ADAM19: variants seen among roughly 807,000 people sequenced by gnomAD.
The protein encoded by ADAM19 is ADAM metallopeptidase domain 19.
In ADAM19, 65 loss-of-function variants were observed where a neutral mutation model predicts 114.7. The observed-to-expected ratio is 0.57, with a 90% CI of 0.46 to 0.70. The LOEUF (loss-of-function observed/expected upper bound fraction) is 0.70. ADAM19 is among the 30% of genes least tolerant of loss of function. The pLI is 0.00. For synonymous variants in ADAM19, 466 were observed against 460.5 expected (o/e 1.01, Z -0.15); for missense variants, 1,063 against 1,204.7 (o/e 0.88, Z 1.74).
At chr5:157,566,102 CTG>C in intron 2 of ADAM19, 1 of 126,016 alleles carries the variant, frequency 7.9e-6, no homozygotes, top group East Asian at 2.0e-4. Flanking sequence ...GAGCGAGACT[CTG>C]TCTCAAAAAA....
intron 15 of ADAM19, 40 bp downstream of exon 15, chr5:157,494,647 G>A: frequency 6.4e-7 from 1 of 1,565,306 alleles, no homozygotes; most frequent in Non-Finnish European, 8.8e-7. Flanking sequence ...GAAACTGCTT[G>A]TTCATCCTCA....
chr5:157,575,775 T>C lies in ADAM19; in HGVS notation c.-79A>G. 1.8e-6 allele frequency: 2 copies of C among 1,104,300 alleles called. No individual in the cohort carries two copies. Among genetic ancestry groups the C allele is most frequent in the Non-Finnish European group, 2.3e-6 (2 of 868,682 alleles). The allele number at this position is 1,104,300 out of a possible 1,614,324, so 68.4% of individuals were successfully genotyped here. A position where few individuals can be genotyped will look rare whatever the true frequency, so the allele number is the denominator to read the frequency against. Reference sequence around the variant, plus strand: ...CACTGCCCGGCGGTGGAGGCGCGTCTGGAACCCCCCGGCTCGCCCCGCGCC... The same window carrying C: ...CACTGCCCGGCGGTGGAGGCGCGTCCGGAACCCCCCGGCTCGCCCCGCGCC... On this transcript the variant is annotated 5_prime_UTR_variant, in exon 1 of 23. Coordinates refer to ENST00000257527, the MANE Select transcript of ADAM19 (RefSeq NM_033274.5).
chr5:157,566,365 A>G (rs1192023821), intron 2 of ADAM19: 1 of 152,220 alleles, frequency 6.6e-6, no homozygotes, highest in East Asian at 1.9e-4. Flanking sequence ...GAGAGAAATA[A>G]GCCTAACCAT....
At chr5:157,574,497 G>C (rs1386613711) in intron 1 of ADAM19, among the ~76,000 whole-genome samples, 1 of 152,182 alleles carries the variant, frequency 6.6e-6, no homozygotes, top group Non-Finnish European at 1.5e-5. Flanking sequence ...CGAACTGTCG[G>C]AAGAGCTCTC....
At chr5:157,564,644 A>G (rs946947348) in intron 2 of ADAM19, among the ~76,000 whole-genome samples, 2 of 152,200 alleles carry the variant, frequency 1.3e-5, no homozygotes, top group African/African-American at 4.8e-5. Flanking sequence ...TTCTCCTGAA[A>G]GGCATAGAGA....
chr5:157,555,260 T>G (rs1757334170), intron 3 of ADAM19, among the ~76,000 whole-genome samples: 1 of 152,202 alleles, frequency 6.6e-6, no homozygotes, highest in South Asian at 2.1e-4. Flanking sequence ...TTGTGACAAG[T>G]GAAGTAGATG....
At chr5:157,522,917 T>C (rs888107155) in intron 5 of ADAM19, among the ~76,000 whole-genome samples, 3 of 152,164 alleles carry the variant, frequency 2.0e-5, no homozygotes, top group Non-Finnish European at 4.4e-5. Flanking sequence ...AGAGAAAAGA[T>C]GAAGGAGGTA....
Position 157,499,611 on chromosome 5 carries a change from C to A in ADAM19, c.1360G>T (p.Ala454Ser). The A allele has an allele frequency of 6.2e-7, 1 of 1,613,294 alleles. No individual in the cohort carries two copies. ...CAGCAGGAGCCGTGAGCACACTCCG[C>A]CCCCGGCCTCAGGGTACAATTAGAG... ...NASNCTLRPG[A>S]ECAHGSCCHQ... is the part of the protein sequence containing the mutation. Residue 454 changes from alanine to serine, a missense_variant, in exon 13 of 23, where the codon GCG (alanine) becomes TCG (serine). By Grantham distance (99) the Ala-to-Ser change is moderately conservative. Around this residue, in one of 3 missense-constraint regions of ADAM19, gnomAD observed 615 missense variants for 706.3 expected, o/e 0.87. Coordinates refer to ENST00000257527, the MANE Select transcript of ADAM19 (RefSeq NM_033274.5).
intron 3 of ADAM19, among the ~76,000 whole-genome samples, chr5:157,544,286 C>G (rs558231484): frequency 1.3e-5 from 2 of 152,312 alleles, no homozygotes; most frequent in African/African-American, 4.8e-5. Flanking sequence ...TGGCAAAAGG[C>G]CAATGCTACT....
chr5:157,571,287 C>T (rs914653544), intron 1 of ADAM19, among the ~76,000 whole-genome samples: 1 of 152,212 alleles, frequency 6.6e-6, no homozygotes, highest in Non-Finnish European at 1.5e-5. Context: ...TCAGGAGGTG[C>T]CTATTTGAAA....
At chr5:157,509,158 G>C (rs1189380949) in intron 9 of ADAM19, 143 bp downstream of exon 9, 4 of 771,474 alleles carry the variant, frequency 5.2e-6, no homozygotes, top group Non-Finnish European at 7.9e-6. Flanking sequence ...CGCATGTTTA[G>C]GAAATGCCTG....
chr5:157,558,326 C>A (rs1276007468), intron 3 of ADAM19, among the ~76,000 whole-genome samples: 7 of 152,212 alleles, frequency 4.6e-5, no homozygotes, highest in Non-Finnish European at 7.3e-5. Flanking sequence ...GGTTATACAA[C>A]CTTAGCCATG....
intron 1 of ADAM19, among the ~76,000 whole-genome samples, chr5:157,571,650 G>T (rs1469709904): frequency 6.6e-6 from 1 of 152,174 alleles, no homozygotes; most frequent in Non-Finnish European, 1.5e-5. Context: ...CTGCGTGGTG[G>T]AGAATGGGGG....
At chr5:157,484,901 A>G (rs574593059) in intron 21 of ADAM19, among the ~76,000 whole-genome samples, 59 of 152,252 alleles carry the variant, frequency 3.9e-4, no homozygotes, top group Non-Finnish European at 7.5e-4. Context: ...GAGCCTCATC[A>G]GCATGTCAGC....
intron 3 of ADAM19, among the ~76,000 whole-genome samples, chr5:157,559,508 A>C (rs2113788391): frequency 6.6e-6 from 1 of 152,344 alleles, no homozygotes; most frequent in African/African-American, 2.4e-5. Context: ...TGAGCAATTC[A>C]GTGTGCCCTC....
chr5:157,492,470 A>G (rs1334360111), intron 16 of ADAM19, among the ~76,000 whole-genome samples: 2 of 152,260 alleles, frequency 1.3e-5, no homozygotes, highest in African/African-American at 2.4e-5. Context: ...ATTTAACAAT[A>G]CAATATTATT....
In ADAM19 at chr5:157,478,786, A is replaced by G. The variant is rs867163198; in HGVS notation, c.*2163T>C. 5 of 985,822 alleles carry G rather than the reference A, an allele frequency of 5.1e-6. No homozygotes were observed. The highest frequency in any genetic ancestry group is 6.0e-6 in the Non-Finnish European group (5 of 829,976). The allele number at this position is 985,822 out of a possible 1,614,324, so 61.1% of individuals were successfully genotyped here. ...ATAAAACAAAACAAAACAAAAAGCAAGAAAACGACAACCCAGGTCTCTTTC... is the reference window on the plus strand; with the variant it reads ...ATAAAACAAAACAAAACAAAAAGCAGGAAAACGACAACCCAGGTCTCTTTC... On this transcript the variant is annotated 3_prime_UTR_variant, in exon 23 of 23. Coordinates refer to ENST00000257527, the MANE Select transcript of ADAM19 (RefSeq NM_033274.5).
At chr5:157,525,138 C>T (rs1252571138) in intron 5 of ADAM19, among the ~76,000 whole-genome samples, 2 of 152,192 alleles carry the variant, frequency 1.3e-5, no homozygotes, top group East Asian at 3.8e-4. Context: ...AGGGTTTAAA[C>T]CAGGAAGTGT....
intron 4 of ADAM19, 55 bp downstream of exon 4, chr5:157,537,858 G>C: frequency 6.7e-7 from 1 of 1,501,858 alleles, no homozygotes; most frequent in Admixed American, 1.7e-5. Flanking sequence ...GAGGTCCTAG[G>C]AGTAGGGCTG....
Sources: gnomAD v4.1 joint callset for allele counts (sites outside exome capture counted in the v4.1 genomes callset) on GRCh38, gnomAD v4.1.1 for gene constraint, gnomAD v4.1.1 regional missense constraint, MANE v1.5 for transcripts, NCBI Gene and HGNC (gene_info 2026-07-23, HGNC 2026-07-21) for gene names.